Variants in RALYL observed in about 807,000 individuals in gnomAD.
RALYL encodes RNA-binding Raly-like protein.
A neutral mutation model predicts 35.1 loss-of-function variants in RALYL; 29 were observed. The observed-to-expected ratio is 0.83, with a 90% CI of 0.61 to 1.13. The LOEUF (loss-of-function observed/expected upper bound fraction) is 1.13, where lower values mean the gene tolerates loss of function less well. RALYL is among the 50% of genes most tolerant of loss of function. The pLI is 0.00. For missense variants in RALYL, 359 were observed against 360.4 expected (o/e 1.00, Z 0.03); for synonymous variants, 120 against 127.6 (o/e 0.94, Z 0.40).
intron 1 of RALYL, among the ~76,000 whole-genome samples, chr8:84,525,647 G>A (rs917734395): frequency 2.0e-5 from 3 of 151,884 alleles, no homozygotes; most frequent in African/African-American, 7.3e-5. Flanking sequence ...AACTCACTGA[G>A]GCTCTGTATA....
At chr8:84,301,496 C>G (rs1380250103) in intron 1 of RALYL, among the ~76,000 whole-genome samples, 1 of 152,042 alleles carries the variant, frequency 6.6e-6, no homozygotes, top group Non-Finnish European at 1.5e-5. Context: ...TGCTTGCTTT[C>G]TCTCCCATTT....
chr8:84,360,589 G>T (rs563602075), intron 1 of RALYL, among the ~76,000 whole-genome samples: 1 of 152,208 alleles, frequency 6.6e-6, no homozygotes, highest in Non-Finnish European at 1.5e-5. Flanking sequence ...AGGAAGCAGG[G>T]GGCACAAGGA....
intron 1 of RALYL, among the ~76,000 whole-genome samples, chr8:84,366,608 C>T (rs770362149): frequency 2.0e-5 from 3 of 151,670 alleles, no homozygotes; most frequent in Non-Finnish European, 4.4e-5. Flanking sequence ...AACCTCGTCT[C>T]TGCTAAAAAT....
At chr8:84,674,765 A>G (rs1434467917) in intron 2 of RALYL, among the ~76,000 whole-genome samples, 1 of 152,172 alleles carries the variant, frequency 6.6e-6, no homozygotes, top group Non-Finnish European at 1.5e-5. Context: ...TTTCCTTTTT[A>G]GCTCTTAGTG....
chr8:84,877,053 A>G (rs1283394370), intron 7 of RALYL, among the ~76,000 whole-genome samples: 1 of 152,162 alleles, frequency 6.6e-6, no homozygotes, highest in Non-Finnish European at 1.5e-5. Context: ...GTTCACATTC[A>G]TGTCTGAGAC....
chr8:84,824,259 C>A (rs571587405), intron 4 of RALYL, among the ~76,000 whole-genome samples: 94 of 63,186 alleles, frequency 1.5e-3, no homozygotes, highest in Middle Eastern at 8.8e-3. Flanking sequence ...TTTACAATAG[C>A]TGCAAAAAAA....
chr8:84,642,739 G>A (rs188070420), intron 2 of RALYL, among the ~76,000 whole-genome samples: 14 of 152,062 alleles, frequency 9.2e-5, no homozygotes, highest in African/African-American at 2.6e-4. Context: ...TAAGAAAAGC[G>A]AAAAAGAAAG....
chr8:84,683,776 T>C (rs962650188), intron 2 of RALYL, among the ~76,000 whole-genome samples: 30 of 152,208 alleles, frequency 2.0e-4, no homozygotes, highest in Admixed American at 2.0e-3. Context: ...AACCTCCGCC[T>C]CCTGATTTCA....
intron 1 of RALYL, among the ~76,000 whole-genome samples, chr8:84,429,265 A>G (rs1468446588): frequency 5.9e-5 from 9 of 152,302 alleles, no homozygotes; most frequent in Non-Finnish European, 1.2e-4. Flanking sequence ...TGCAGAAAAG[A>G]AGCAGGGAAG....
intron 1 of RALYL, among the ~76,000 whole-genome samples, chr8:84,419,361 T>A (rs1431838893): frequency 6.6e-6 from 1 of 152,104 alleles, no homozygotes; most frequent in Admixed American, 6.6e-5. Flanking sequence ...CACTTCTGGG[T>A]TTTCTTCCTT....
chr8:84,515,150 A>G (rs2057957601), intron 1 of RALYL, among the ~76,000 whole-genome samples: 1 of 152,212 alleles, frequency 6.6e-6, no homozygotes, highest in African/African-American at 2.4e-5. Flanking sequence ...ACCCTAAGCA[A>G]TATTCCACTT....
chr8:84,349,974 ACTT>A lies in RALYL; in HGVS notation c.-24+165555_-24+165557del, dbSNP rs1212433824. ...CAATCCCCCAGCAAAAATATAAACA[ACTT>A]CTTCCCATTACTCCCATTTGAATAC... On this transcript the variant is annotated intron_variant, in intron 1 of 8. Coordinates refer to ENST00000521268, the MANE Select transcript of RALYL (RefSeq NM_173848.7). Among the ~76,000 whole-genome samples the A allele has an allele frequency of 4.0e-5, 6 of 149,882 alleles. 1 individual carries two copies. Among genetic ancestry groups the A allele is most frequent in the Admixed American group, 1.3e-4 (2 of 15,118 alleles).
intron 3 of RALYL, among the ~76,000 whole-genome samples, chr8:84,803,969 C>T (rs186633855): frequency 6.6e-5 from 10 of 152,172 alleles, no homozygotes; most frequent in Admixed American, 2.0e-4. Context: ...ATGAAACTAG[C>T]GTGGCCAAAA....
At chr8:84,221,938 T>C (rs984943875) in intron 1 of RALYL, among the ~76,000 whole-genome samples, 4 of 152,092 alleles carry the variant, frequency 2.6e-5, no homozygotes, top group Non-Finnish European at 5.9e-5. Flanking sequence ...CTTAAGTATT[T>C]ATTTTTGTGT....
chr8:84,667,097 T>A (rs957897243), intron 2 of RALYL, among the ~76,000 whole-genome samples: 21 of 152,134 alleles, frequency 1.4e-4, no homozygotes, highest in Non-Finnish European at 4.4e-5. Context: ...TTTTCTGTTT[T>A]GCCATTTAAT....
chr8:84,576,936 G>A (rs533510153), intron 2 of RALYL, among the ~76,000 whole-genome samples: 1 of 152,266 alleles, frequency 6.6e-6, no homozygotes, highest in East Asian at 1.9e-4. Flanking sequence ...CAGAACTCCT[G>A]ACCAACCTTC....
At chr8:84,722,624 T>TATA (rs1317004369) in intron 2 of RALYL, among the ~76,000 whole-genome samples, 1 of 135,870 alleles carries the variant, frequency 7.4e-6, no homozygotes, top group African/African-American at 3.1e-5. Flanking sequence ...ATTTTATATA[T>TATA]ATATATATAT....
chr8:84,520,502 A>T (rs1440050582), intron 1 of RALYL, among the ~76,000 whole-genome samples: 1 of 152,152 alleles, frequency 6.6e-6, no homozygotes, highest in Non-Finnish European at 1.5e-5. Flanking sequence ...GGAATATTTT[A>T]TGTGATCTTA....
intron 4 of RALYL, among the ~76,000 whole-genome samples, chr8:84,826,880 T>C (rs911387087): frequency 4.0e-5 from 6 of 151,624 alleles, no homozygotes; most frequent in African/African-American, 1.2e-4. Context: ...TTTGAGGAAA[T>C]ACTCTAACAT....
Sources: allele counts gnomAD v4.1 joint callset (sites outside exome capture counted in the v4.1 genomes callset), GRCh38; gene constraint gnomAD v4.1.1; transcripts MANE v1.5; gene names NCBI Gene and HGNC (gene_info 2026-07-23, HGNC 2026-07-21).